Variants in PRKCE observed in about 807,000 individuals in gnomAD.
PRKCE encodes the protein protein kinase C epsilon type.
A neutral mutation model predicts 85.4 loss-of-function variants in PRKCE; 16 were observed. The ratio of observed to expected loss-of-function variants is 0.19; its 90% confidence interval spans 0.13 to 0.28. The LOEUF (loss-of-function observed/expected upper bound fraction) is 0.28, where lower values mean the gene tolerates loss of function less well. PRKCE is among the 10% of genes least tolerant of loss of function. The pLI, the probability that PRKCE is intolerant of heterozygous loss-of-function variation, is 1.00. For synonymous variants in PRKCE, 388 were observed against 371.5 expected, an observed-to-expected ratio of 1.04 and a Z score of -0.51; for missense variants, 573 against 975.2, an observed-to-expected ratio of 0.59 and a Z score of 5.49.
In PRKCE at chr2:46,004,891, G is replaced by A. The variant is rs1429588820; in HGVS notation, c.1063+253G>A. On this transcript the variant is annotated intron_variant, in intron 8 of 14. Coordinates refer to ENST00000306156, the MANE Select transcript of PRKCE (RefSeq NM_005400.3). The surrounding 1 kb of genome is among the most constrained non-coding windows in gnomAD (Gnocchi z 4.1). ...CAGGGTAAGAGGAGAGCGAGTGTAT[G>A]ATGTTATGGTTATCTGTTTTCCCTT... Among the ~76,000 whole-genome samples the A allele has an allele frequency of 2.0e-5, 3 of 152,140 alleles. No homozygotes were observed.
intron 2 of PRKCE, among the ~76,000 whole-genome samples, chr2:45,932,916 A>G (rs1699149377): frequency 1.3e-5 from 2 of 152,188 alleles, no homozygotes; most frequent in African/African-American, 4.8e-5. Context: ...ACCTAGCTCA[A>G]TGTCTTCAAG....
In PRKCE at chr2:45,979,025, T is replaced by C; in HGVS notation, c.607+15T>C. 4 of 1,598,574 alleles carry C rather than the reference T, an allele frequency of 2.5e-6. No homozygotes were observed. Among genetic ancestry groups the C allele is most frequent in the Non-Finnish European group, 3.4e-6 (4 of 1,178,960 alleles). ...CCAGTGTCAAGGTAAGAGGCATTTA[T>C]GAATTAAATCTTCAGAGGCCCGTGG... On this transcript the variant is annotated intron_variant, in intron 4 of 14. Coordinates refer to ENST00000306156, the MANE Select transcript of PRKCE (RefSeq NM_005400.3).
At chr2:45,964,373 G>C (rs985452490) in intron 2 of PRKCE, among the ~76,000 whole-genome samples, 1 of 152,224 alleles carries the variant, frequency 6.6e-6, no homozygotes, top group East Asian at 1.9e-4. Context: ...CAATTGCTCA[G>C]TTTCCTGTGA....
intron 1 of PRKCE, among the ~76,000 whole-genome samples, chr2:45,806,851 T>A (rs1418008417): frequency 6.6e-6 from 1 of 152,170 alleles, no homozygotes; most frequent in Non-Finnish European, 1.5e-5. Flanking sequence ...GGGGAAGCTC[T>A]GAGATCCCAT....
intron 10 of PRKCE, among the ~76,000 whole-genome samples, chr2:46,031,866 T>C (rs1365168460): frequency 6.6e-6 from 1 of 152,180 alleles, no homozygotes; most frequent in Non-Finnish European, 1.5e-5. Flanking sequence ...TACCAACTGG[T>C]CGCAATTTGC....
intron 1 of PRKCE, among the ~76,000 whole-genome samples, chr2:45,653,654 T>C (rs375281100): frequency 6.6e-6 from 1 of 152,172 alleles, no homozygotes; most frequent in Non-Finnish European, 1.5e-5. Context: ...TCACCTTACA[T>C]ATTTTTTTCA....
In PRKCE at chr2:45,885,002, T is replaced by TATTTTTTTG. The variant is rs1553440407; in HGVS notation, c.412+41939_412+41940insATTTTTTTG. Among the ~76,000 whole-genome samples the TATTTTTTTG allele has an allele frequency of 2.9e-4, 28 of 97,662 alleles. 3 individuals are homozygous for TATTTTTTTG. The highest frequency in any genetic ancestry group is 4.8e-4 in the Non-Finnish European group (23 of 47,614). The allele number at this position is 97,662 out of a possible 152,430, so 64.1% of individuals were successfully genotyped here. A position where few individuals can be genotyped will look rare whatever the true frequency, so the allele number is the denominator to read the frequency against. On this transcript the variant is annotated intron_variant, in intron 2 of 14. Transcript: ENST00000306156. ...ATATATATATATATATATATATATA[T>TATTTTTTTG]TTGTTGTTGTTGTTGTTGTTTTACC...
At chr2:45,949,019 A>G (rs1700430481) in intron 2 of PRKCE, among the ~76,000 whole-genome samples, 1 of 152,188 alleles carries the variant, frequency 6.6e-6, no homozygotes, top group African/African-American at 2.4e-5. Context: ...CAGACATTTA[A>G]GTTGTTTTCA....
intron 1 of PRKCE, among the ~76,000 whole-genome samples, chr2:45,751,068 C>T (rs1683520194): frequency 1.3e-5 from 2 of 152,212 alleles, no homozygotes; most frequent in South Asian, 4.1e-4. Context: ...CCGCTCTGGA[C>T]CACCTTTGGT....
intron 14 of PRKCE, among the ~76,000 whole-genome samples, chr2:46,161,103 C>A (rs1416938461): frequency 6.6e-6 from 1 of 152,224 alleles, no homozygotes; most frequent in Non-Finnish European, 1.5e-5. Context: ...TCCAGGCCCA[C>A]CATTCCAAGC....
At chr2:45,853,876 A>C (rs1423903295) in intron 2 of PRKCE, among the ~76,000 whole-genome samples, 6 of 152,120 alleles carry the variant, frequency 3.9e-5, no homozygotes, top group African/African-American at 1.4e-4. Flanking sequence ...GCCCGCATGC[A>C]CACCAAGTCC....
chr2:45,972,216 T>C (rs2166969), intron 2 of PRKCE, among the ~76,000 whole-genome samples: 123,645 of 151,700 alleles, frequency 0.82, 50,940 homozygotes, highest in East Asian at 0.97. Flanking sequence ...TGATTAGTGA[T>C]GTAGAACATC....
At chr2:45,818,747 A>G (rs1252393170) in intron 1 of PRKCE, among the ~76,000 whole-genome samples, 1 of 152,200 alleles carries the variant, frequency 6.6e-6, no homozygotes. Context: ...GTTTTTGATC[A>G]TTTTAATACC....
intron 1 of PRKCE, among the ~76,000 whole-genome samples, chr2:45,712,400 C>T (rs1679741116): frequency 6.6e-6 from 1 of 151,916 alleles, no homozygotes. Context: ...AGTGATTTAC[C>T]CCACCTTGGC....
chr2:45,977,776 A>T (rs1346582117), intron 3 of PRKCE, among the ~76,000 whole-genome samples: 1 of 152,194 alleles, frequency 6.6e-6, no homozygotes, highest in African/African-American at 2.4e-5. Flanking sequence ...GAAGTGTCAG[A>T]AGTATGATTC....
chr2:46,172,486 C>A (rs1379050447), intron 14 of PRKCE, among the ~76,000 whole-genome samples: 2 of 144,124 alleles, frequency 1.4e-5, no homozygotes, highest in Non-Finnish European at 3.0e-5. Context: ...CAGGCCTGGG[C>A]GGGCCTGGGC....
chr2:45,740,649 C>T (rs372910842), intron 1 of PRKCE, among the ~76,000 whole-genome samples: 22 of 152,312 alleles, frequency 1.4e-4, no homozygotes, highest in East Asian at 7.7e-4. Flanking sequence ...TTGTATTCCC[C>T]ATTCTCTCAA....
At chr2:45,782,322 G>A (rs1025852321) in intron 1 of PRKCE, among the ~76,000 whole-genome samples, 5 of 152,098 alleles carry the variant, frequency 3.3e-5, no homozygotes, top group African/African-American at 1.2e-4. Context: ...GCAGTATGGT[G>A]TCACAACACA....
chr2:46,099,514 T>A (rs1434050497), intron 11 of PRKCE, among the ~76,000 whole-genome samples: 1 of 148,632 alleles, frequency 6.7e-6, no homozygotes, highest in Non-Finnish European at 1.5e-5. Flanking sequence ...TTTTTTTTTT[T>A]ACGCTAACTT....
Sources: allele counts gnomAD v4.1 joint callset (sites outside exome capture counted in the v4.1 genomes callset), GRCh38; gene constraint gnomAD v4.1.1; non-coding constraint Gnocchi (gnomAD v3.1); transcripts MANE v1.5; gene names NCBI Gene and HGNC (gene_info 2026-07-23, HGNC 2026-07-21).